The following COL5A2 variants were observed in gnomAD, a reference collection of about 807,000 sequenced individuals.
COL5A2 encodes the protein collagen type V alpha 2 chain, also known as collagen alpha-2(V) chain.
COL5A2 carries 23 observed loss-of-function variants against 208.2 expected under a neutral mutation model. The ratio of observed to expected loss-of-function variants is 0.11; its 90% CI spans 0.08 to 0.16. The LOEUF (loss-of-function observed/expected upper bound fraction) is 0.16, where lower values mean the gene tolerates loss of function less well. Ranked by LOEUF, COL5A2 falls within the 10% of genes least tolerant of loss-of-function variation. The probability of loss-of-function intolerance (pLI) is 1.00; values close to 1 mark genes in which losing one functional copy is unlikely to be tolerated. For synonymous variants in COL5A2, 625 were observed against 628.5 expected, an observed-to-expected ratio of 0.99 and a Z score of 0.08; for missense variants, 1,590 against 1,956.4, an observed-to-expected ratio of 0.81 and a Z score of 3.53.
intron 1 of COL5A2, among the ~76,000 whole-genome samples, chr2:189,186,196 C>T (rs955105547): frequency 6.6e-6 from 1 of 151,898 alleles, no homozygotes; most frequent in Non-Finnish European, 1.5e-5. Flanking sequence ...TGGGTCTCTC[C>T]ATCTTGCACA....
chr2:189,242,253 T>G, the COL5A2 span, among the ~76,000 whole-genome samples: 1 of 152,318 alleles, frequency 6.6e-6, no homozygotes, highest in African/African-American at 2.4e-5. Flanking sequence ...ACTTACTATT[T>G]ATTAAGTAGC....
the COL5A2 span, among the ~76,000 whole-genome samples, chr2:189,277,458 A>T: frequency 6.6e-6 from 1 of 152,122 alleles, no homozygotes; most frequent in Non-Finnish European, 1.5e-5. Context: ...GTCAATCACC[A>T]TAAATTGTTG....
intron 4 of COL5A2, among the ~76,000 whole-genome samples, 183 bp from the exon 5 acceptor site, chr2:189,098,942 T>C (rs771817342): frequency 3.2e-4 from 48 of 152,294 alleles, no homozygotes; most frequent in Non-Finnish European, 6.2e-4. Flanking sequence ...TTAACTAATA[T>C]AGGGAGGCAG....
At chr2:189,240,998 C>T in the COL5A2 span, among the ~76,000 whole-genome samples, 30 of 152,162 alleles carry the variant, frequency 2.0e-4, no homozygotes, top group African/African-American at 7.0e-4. Flanking sequence ...ACTTCCAAAT[C>T]TAATCACGTA....
At chr2:189,203,730 G>A (rs1473014207) in intron 1 of COL5A2, among the ~76,000 whole-genome samples, 1 of 152,082 alleles carries the variant, frequency 6.6e-6, no homozygotes, top group African/African-American at 2.4e-5. Flanking sequence ...GCCTAAAAGA[G>A]ACTTAATTAA....
chr2:189,431,632 G>A, the COL5A2 span, among the ~76,000 whole-genome samples: 1 of 152,136 alleles, frequency 6.6e-6, no homozygotes, highest in South Asian at 2.1e-4. Flanking sequence ...AAAGCGAGAA[G>A]ACAAGGTTAG....
the COL5A2 span, among the ~76,000 whole-genome samples, chr2:189,352,515 T>C: frequency 1.3e-5 from 2 of 152,198 alleles, no homozygotes; most frequent in African/African-American, 2.4e-5. Context: ...TGGTATCTCA[T>C]TGTGATTTTG....
rs1017511396 is a variant in COL5A2 at position 189,056,729 on chromosome 2, C to T, written c.2391+244G>A. 7 of 559,832 alleles carry T rather than the reference C, an allele frequency of 1.3e-5. No homozygotes were observed. In the Admixed American group the frequency reaches 2.2e-4, roughly 17 times the overall value. The allele number at this position is 559,832 out of a possible 1,614,324, so 34.7% of individuals were successfully genotyped here. ...GATAGAGAAAGATAAAGAGGGCCCC[C>T]ATCCCCTTAAGGCACTTATCTCATA... On this transcript the variant is annotated intron_variant, in intron 35 of 53. Coordinates refer to ENST00000374866, the MANE Select transcript of COL5A2 (RefSeq NM_000393.5).
At position 189,078,547 on chromosome 2, in the gene COL5A2, T is replaced by C; in HGVS notation, c.1028A>G (p.Glu343Gly). The change falls in exon 16 of 54, where the codon GAG becomes GGG. Residue 343 changes from glutamate to glycine, a missense_variant. Glu to Gly is a moderately conservative substitution (Grantham distance 98). Transcript: ENST00000374866. Reference sequence around the variant, plus strand: ...ACCCTGTGGCCCAAGTCTCCCTCTCTCTCCTGGCATTCCCCTCGGACCCTA... The same window carrying C: ...ACCCTGTGGCCCAAGTCTCCCTCTCCCTCCTGGCATTCCCCTCGGACCCTA... ...GPLGPRGMPG[E>G]RGRLGPQGAP... is the part of the protein sequence containing the mutation. The C allele has an allele frequency of 6.2e-7, 1 of 1,612,728 alleles. No individual in the cohort carries two copies. The highest frequency in any genetic ancestry group is 8.5e-7 in the Non-Finnish European group (1 of 1,178,824).
At chr2:189,407,947 T>C in the COL5A2 span, among the ~76,000 whole-genome samples, 2 of 152,310 alleles carry the variant, frequency 1.3e-5, no homozygotes, top group South Asian at 4.1e-4. Flanking sequence ...CAGACCTCGT[T>C]ATGGCAAGTG....
chr2:189,275,261 A>G, the COL5A2 span, among the ~76,000 whole-genome samples: 1 of 152,092 alleles, frequency 6.6e-6, no homozygotes, highest in Non-Finnish European at 1.5e-5. Flanking sequence ...CTAATTTTAA[A>G]TGTTAGCAAA....
intron 23 of COL5A2, 33 bp downstream of exon 23, chr2:189,066,357 A>C: frequency 6.4e-7 from 1 of 1,557,510 alleles, no homozygotes; most frequent in Non-Finnish European, 8.9e-7. Flanking sequence ...TTCCCTCACA[A>C]CTGTAAGAAT....
At chr2:189,362,199 G>C in the COL5A2 span, among the ~76,000 whole-genome samples, 1 of 151,936 alleles carries the variant, frequency 6.6e-6, no homozygotes, top group Non-Finnish European at 1.5e-5. Context: ...TGAATCTTTT[G>C]AAAAAGCTAC....
At chr2:189,252,139 T>C in the COL5A2 span, among the ~76,000 whole-genome samples, 1 of 152,096 alleles carries the variant, frequency 6.6e-6, no homozygotes, top group Non-Finnish European at 1.5e-5. Flanking sequence ...TGTGGAGAAA[T>C]AGGAACACTT....
At chr2:189,036,887 G>T (rs548859699) in intron 51 of COL5A2, 84 bp from the exon 52 acceptor site, 1 of 1,066,592 alleles carries the variant, frequency 9.4e-7, no homozygotes, top group African/African-American at 1.6e-5. Flanking sequence ...CAGAGGGTTT[G>T]AAAATATACA....
chr2:189,323,950 C>T, the COL5A2 span, among the ~76,000 whole-genome samples: 2 of 152,194 alleles, frequency 1.3e-5, no homozygotes, highest in Non-Finnish European at 2.9e-5. Flanking sequence ...ACTAAAACAG[C>T]ATGATACTAG....
chr2:189,086,279 T>C (rs72904486), intron 9 of COL5A2, among the ~76,000 whole-genome samples: 21,605 of 152,248 alleles, frequency 0.14, 1,522 homozygotes, highest in Middle Eastern at 0.19. Context: ...TGGCATCTGA[T>C]AGGCATTTTA....
chr2:189,388,442 T>C, the COL5A2 span, among the ~76,000 whole-genome samples: 10 of 152,146 alleles, frequency 6.6e-5, no homozygotes, highest in Non-Finnish European at 5.9e-5. Context: ...TCTGCATGAC[T>C]GGCATGCAGT....
At chr2:189,336,829 C>T in the COL5A2 span, among the ~76,000 whole-genome samples, 1 of 152,068 alleles carries the variant, frequency 6.6e-6, no homozygotes, top group Non-Finnish European at 1.5e-5. Flanking sequence ...AACTTAAGAC[C>T]TTTCACATTC....
Sources: gnomAD v4.1 joint callset for allele counts (sites outside exome capture counted in the v4.1 genomes callset) on GRCh38, gnomAD v4.1.1 for gene constraint, MANE v1.5 for transcripts, NCBI Gene and HGNC (gene_info 2026-07-23, HGNC 2026-07-21) for gene names.